Variants in TBL1X observed in about 807,000 individuals in gnomAD.
TBL1X encodes transducin beta like 1 X-linked.
In TBL1X, 10 loss-of-function variants were observed where a neutral mutation model predicts 50.7. The ratio of observed to expected loss-of-function variants is 0.20; its 90% CI spans 0.12 to 0.33. The LOEUF is 0.33. Among genes scored for constraint, TBL1X ranks in the 10% least tolerant of loss-of-function variants. The probability of loss-of-function intolerance (pLI) is 1.00; values close to 1 mark genes in which losing one functional copy is unlikely to be tolerated. For synonymous variants in TBL1X, 190 were observed against 214.7 expected (o/e 0.88, Z 1.01); for missense variants, 340 against 504.4 (o/e 0.67, Z 3.12).
rs146437473 is a variant in TBL1X at position 9,693,491 on chromosome X, G to A, written c.1053+72G>A. On this transcript the variant is annotated intron_variant, in intron 11 of 17. Transcript: ENST00000645353. ...ATATTTTTAATCTCAAAATAACATC[G>A]TGGTTTCTTGGAACTCGTAGGCTTT... 3.5e-4 allele frequency: 347 copies of A among 995,597 alleles called. 1 individual carries two copies. In the African/African-American group the frequency reaches 5.7e-3, roughly 16 times the overall value. The allele number at this position is 995,597 out of a possible 1,213,427, so 82.0% of individuals were successfully genotyped here.
Position 9,709,771 on chromosome X carries a change from G to A in TBL1X, c.1439+11G>A, listed in dbSNP as rs750966524. 6 of 1,207,031 alleles carry A rather than the reference G, an allele frequency of 5.0e-6. No homozygotes were observed. In the South Asian group the frequency reaches 7.2e-5, roughly 14 times the overall value. On this transcript the variant is annotated intron_variant, in intron 15 of 17. Coordinates refer to ENST00000645353, the MANE Select transcript of TBL1X (RefSeq NM_005647.4). ...CATCATGTTGGCAAGGTAAGGGCAGGCAACACAGCTGGCACAGCTCGGTGT... is the reference window on the plus strand; with the variant it reads ...CATCATGTTGGCAAGGTAAGGGCAGACAACACAGCTGGCACAGCTCGGTGT...
intron 2 of TBL1X, among the ~76,000 whole-genome samples, chrX:9,556,027 A>C (rs2082296149): frequency 9.2e-6 from 1 of 109,078 alleles, no homozygotes; most frequent in Non-Finnish European, 1.9e-5. Context: ...ATCTCCACAA[A>C]AAAATACAAA....
At chrX:9,631,291 C>T (rs902145499) in intron 2 of TBL1X, among the ~76,000 whole-genome samples, 1 of 111,528 alleles carries the variant, frequency 9.0e-6, no homozygotes, top group Non-Finnish European at 1.9e-5. Flanking sequence ...TCTCCTTCCT[C>T]GCACTCTTCA....
intron 2 of TBL1X, among the ~76,000 whole-genome samples, chrX:9,535,878 A>T (rs984497609): frequency 8.0e-5 from 9 of 112,097 alleles, no homozygotes; most frequent in Non-Finnish European, 1.5e-4. Flanking sequence ...TGGTATGAGG[A>T]TTGGTGAAAC....
At position 9,688,302 on chromosome X, in the gene TBL1X, G is replaced by T. The variant is rs761978228; in HGVS notation, c.616+27G>T. On this transcript the variant is annotated intron_variant, in intron 7 of 17. Transcript: ENST00000645353. ...TGAGTGCAGGGGCTCTGGGAGTTCG[G>T]TGGGCCTCTCTGGGTTCATTGTTTT... The T allele has an allele frequency of 1.6e-5, 18 of 1,107,600 alleles. No individual in the cohort carries two copies. In the Admixed American group the frequency reaches 5.3e-4, roughly 33 times the overall value. The allele number at this position is 1,107,600 out of a possible 1,213,427, so 91.3% of individuals were successfully genotyped here.
intron 1 of TBL1X, among the ~76,000 whole-genome samples, chrX:9,491,306 T>TTATATATATATATA (rs757466880): frequency 3.9e-5 from 2 of 51,911 alleles, no homozygotes; most frequent in African/African-American, 1.6e-4. Flanking sequence ...GCCAGTATAT[T>TTATATATATATATA]TATATATATA....
chrX:9,523,212 G>A (rs1010857374), intron 2 of TBL1X, among the ~76,000 whole-genome samples: 2 of 111,974 alleles, frequency 1.8e-5, no homozygotes, highest in African/African-American at 6.5e-5. Flanking sequence ...CCTTTCAGCT[G>A]TCACCCTTTC....
chrX:9,682,989 C>A (rs1333325741), intron 5 of TBL1X, among the ~76,000 whole-genome samples: 2 of 111,665 alleles, frequency 1.8e-5, no homozygotes, highest in African/African-American at 6.5e-5. Context: ...CACGAGATCC[C>A]CCCATGATGT....
At chrX:9,539,494 T>A (rs2082204686) in intron 2 of TBL1X, among the ~76,000 whole-genome samples, 1 of 111,515 alleles carries the variant, frequency 9.0e-6, no homozygotes, top group Admixed American at 9.5e-5. Context: ...TGATTCCTAC[T>A]CCCCTCTTCT....
chrX:9,677,043 G>A (rs1023242483), intron 5 of TBL1X, among the ~76,000 whole-genome samples: 1 of 111,313 alleles, frequency 9.0e-6, no homozygotes, highest in East Asian at 2.8e-4. Context: ...GTGAGAGTGT[G>A]CGTGTGTGTC....
At chrX:9,697,616 C>G (rs767058679) in intron 12 of TBL1X, among the ~76,000 whole-genome samples, 187 bp downstream of exon 12, 10 of 111,450 alleles carry the variant, frequency 9.0e-5, no homozygotes, top group African/African-American at 3.3e-4. Flanking sequence ...ACAAAAAATA[C>G]GATAACTAGC....
At chrX:9,701,030 C>G (rs2083167764) in intron 12 of TBL1X, among the ~76,000 whole-genome samples, 1 of 110,241 alleles carries the variant, frequency 9.1e-6, no homozygotes, top group African/African-American at 3.3e-5. Context: ...GATACAGTAG[C>G]TGAGGGAGAT....
At chrX:9,701,690 C>G (rs965253187) in intron 12 of TBL1X, among the ~76,000 whole-genome samples, 7 of 110,208 alleles carry the variant, frequency 6.4e-5, no homozygotes, top group African/African-American at 2.3e-4. Flanking sequence ...GCGGGTTGAA[C>G]CAGCTTGCTT....
chrX:9,588,261 A>G (rs928400339), intron 2 of TBL1X, among the ~76,000 whole-genome samples: 3 of 111,279 alleles, frequency 2.7e-5, no homozygotes, highest in African/African-American at 9.8e-5. Flanking sequence ...GGACTGGAGG[A>G]TACTCGGATT....
At chrX:9,480,111 C>T (rs1348469307) in intron 1 of TBL1X, among the ~76,000 whole-genome samples, 1 of 111,153 alleles carries the variant, frequency 9.0e-6, no homozygotes, top group East Asian at 2.8e-4. Flanking sequence ...TGCGCCACCA[C>T]CTCCGGCTAA....
chrX:9,656,385 A>G (rs2082865243), intron 5 of TBL1X, among the ~76,000 whole-genome samples: 1 of 112,980 alleles, frequency 8.9e-6, no homozygotes, highest in Admixed American at 9.3e-5. Flanking sequence ...GTGAAGGACC[A>G]CGTGCTCCGG....
chrX:9,613,919 G>A (rs2082626177), intron 2 of TBL1X, among the ~76,000 whole-genome samples: 1 of 102,737 alleles, frequency 9.7e-6, no homozygotes, highest in Non-Finnish European at 2.0e-5. Context: ...CCGGGAGGCG[G>A]AGGTTGCAGT....
chrX:9,553,156 A>G (rs2082278759), intron 2 of TBL1X, among the ~76,000 whole-genome samples: 1 of 110,853 alleles, frequency 9.0e-6, no homozygotes, highest in African/African-American at 3.3e-5. Context: ...AAAAAAAACA[A>G]AAACAAAAGG....
chrX:9,708,178 G>C lies in TBL1X; in HGVS notation c.1237-1070G>C, dbSNP rs925225055. On this transcript the variant is annotated intron_variant, in intron 13 of 17. Coordinates refer to ENST00000645353, the MANE Select transcript of TBL1X (RefSeq NM_005647.4). ...GTTCCCCAGCTGAACCTTTGCCACAGGTGGTTCTTTTACACATGCCTGTCC... is the reference window on the plus strand; with the variant it reads ...GTTCCCCAGCTGAACCTTTGCCACACGTGGTTCTTTTACACATGCCTGTCC... Among the ~76,000 whole-genome samples, 3 of 111,560 alleles carry C rather than the reference G, an allele frequency of 2.7e-5. No individual in the cohort carries two copies. The East Asian group carries it at 8.5e-4, about 32-fold the overall frequency.
Sources: gnomAD v4.1 joint callset for allele counts (sites outside exome capture counted in the v4.1 genomes callset) on GRCh38, gnomAD v4.1.1 for gene constraint, MANE v1.5 for transcripts, NCBI Gene and HGNC (gene_info 2026-07-23, HGNC 2026-07-21) for gene names.